The following CAPZA2 variants were observed in gnomAD, a reference collection of about 807,000 sequenced individuals.
CAPZA2 encodes the protein F-actin-capping protein subunit alpha-2.
CAPZA2 carries 13 observed loss-of-function variants against 44.0 expected under a neutral mutation model. That is an observed-to-expected ratio of 0.30 (90% CI 0.19 to 0.47). The LOEUF is 0.47. Ranked by LOEUF, CAPZA2 falls within the 20% of genes least tolerant of loss-of-function variation. The pLI is 1.00. For missense variants in CAPZA2, 244 were observed against 338.6 expected (o/e 0.72, Z 2.19); for synonymous variants, 94 against 108.2 (o/e 0.87, Z 0.81).
rs1310570568 is a variant in CAPZA2, at chr7:116,918,439, C to T, written c.*572C>T. On this transcript the variant is annotated 3_prime_UTR_variant, in exon 10 of 10. Coordinates refer to ENST00000361183, the MANE Select transcript of CAPZA2 (RefSeq NM_006136.3). ...GTTATTTAGCTAGCTTAGTGTTGAACTAAATTTTTTTTAAACAAGGCAAGG... is the reference window on the plus strand; with the variant it reads ...GTTATTTAGCTAGCTTAGTGTTGAATTAAATTTTTTTTAAACAAGGCAAGG... 6.6e-6 allele frequency: 1 copy of T among 152,618 alleles called. No homozygotes were observed. Among genetic ancestry groups the T allele is most frequent in the Non-Finnish European group, 1.5e-5 (1 of 68,048 alleles). The allele number at this position is 152,618 out of a possible 1,614,324, so 9.5% of individuals were successfully genotyped here.
At chr7:116,877,650 G>A (rs539072751) in intron 1 of CAPZA2, among the ~76,000 whole-genome samples, 1 of 152,324 alleles carries the variant, frequency 6.6e-6, no homozygotes, top group South Asian at 2.1e-4. Context: ...AGGTCATGCA[G>A]GTAGTAAGCA....
chr7:116,884,073 G>A (rs969258262), intron 1 of CAPZA2, among the ~76,000 whole-genome samples: 9 of 152,094 alleles, frequency 5.9e-5, no homozygotes, highest in African/African-American at 2.2e-4. Flanking sequence ...AAGGGGATAA[G>A]GAAATGAAGA....
At position 116,917,906 on chromosome 7, in the gene CAPZA2, C is replaced by T. The variant is rs750066287; in HGVS notation, c.*39C>T. 94 of 1,571,578 alleles carry T rather than the reference C, an allele frequency of 6.0e-5. No individual in the cohort carries two copies. Among genetic ancestry groups the T allele is most frequent in the Non-Finnish European group, 7.8e-5 (89 of 1,142,976 alleles). ...TGACCGGATCATTTTAGTGTCTTTG[C>T]GTTAAAAAATCATTGCAAAAGTATT... On this transcript the variant is annotated 3_prime_UTR_variant, in exon 10 of 10. Transcript: ENST00000361183.
At position 116,917,708 on chromosome 7, in the gene CAPZA2, T is replaced by C. The variant is rs750133733; in HGVS notation, c.721-19T>C. 3.2e-6 allele frequency: 5 copies of C among 1,568,750 alleles called. No homozygotes were observed. The highest frequency in any genetic ancestry group is 3.3e-4 in the Middle Eastern group (2 of 5,986). Reference sequence around the variant, plus strand: ...TGTTCTTTGCTTTACTTTAAACTTCTAACTATTGTTTTTCATAGACTGCCA... The same window carrying C: ...TGTTCTTTGCTTTACTTTAAACTTCCAACTATTGTTTTTCATAGACTGCCA... On this transcript the variant is annotated intron_variant, in intron 9 of 9. Transcript: ENST00000361183.
At chr7:116,909,409 A>G (rs1194357186) in intron 6 of CAPZA2, among the ~76,000 whole-genome samples, 1 of 152,162 alleles carries the variant, frequency 6.6e-6, no homozygotes, top group Non-Finnish European at 1.5e-5. Flanking sequence ...GAATTTTGTC[A>G]AAAAAGAAAA....
intron 4 of CAPZA2, among the ~76,000 whole-genome samples, chr7:116,899,302 T>A (rs1419755596): frequency 6.6e-6 from 1 of 152,138 alleles, no homozygotes; most frequent in South Asian, 2.1e-4. Flanking sequence ...ATTTTTTTTT[T>A]ATTTAGAGTT....
At chr7:116,898,891 G>A in intron 4 of CAPZA2, 56 bp downstream of exon 4, 1 of 1,058,420 alleles carries the variant, frequency 9.4e-7, no homozygotes. Flanking sequence ...AAGGTATCCT[G>A]CAAGAGCTGT....
intron 4 of CAPZA2, among the ~76,000 whole-genome samples, chr7:116,901,652 A>C (rs990746834): frequency 6.6e-6 from 1 of 152,172 alleles, no homozygotes; most frequent in African/African-American, 2.4e-5. Flanking sequence ...TGTACCCCTG[A>C]ACTGTTAAGA....
At position 116,918,921 on chromosome 7, in the gene CAPZA2, C is replaced by T. The variant is rs1174050070; in HGVS notation, c.*1054C>T. Reference sequence around the variant, plus strand: ...TGTAATATTTTCAAAAATAGTTCTACTGATGCTACAGGAATTTCAAGCCTG... The same window carrying T: ...TGTAATATTTTCAAAAATAGTTCTATTGATGCTACAGGAATTTCAAGCCTG... On this transcript the variant is annotated 3_prime_UTR_variant, in exon 10 of 10. Transcript: ENST00000361183. 1.3e-5 allele frequency: 2 copies of T among 152,074 alleles called. No individual in the cohort carries two copies. The highest frequency in any genetic ancestry group is 4.8e-5 in the African/African-American group (2 of 41,402). 9.4% of individuals were successfully genotyped at this position (152,074 alleles called of 1,614,324 possible).
chr7:116,883,172 G>T (rs532709772), intron 1 of CAPZA2, among the ~76,000 whole-genome samples: 1 of 152,254 alleles, frequency 6.6e-6, no homozygotes, highest in East Asian at 1.9e-4. Context: ...ACGGTAAATA[G>T]AATGTATTCA....
chr7:116,882,521 C>T (rs185411965), intron 1 of CAPZA2, among the ~76,000 whole-genome samples: 187 of 151,860 alleles, frequency 1.2e-3, no homozygotes, highest in Non-Finnish European at 1.9e-3. Flanking sequence ...AAACAAGATA[C>T]GAAAAAATAT....
intron 1 of CAPZA2, among the ~76,000 whole-genome samples, chr7:116,871,857 A>C (rs1031475334): frequency 4.6e-5 from 7 of 152,198 alleles, no homozygotes; most frequent in Admixed American, 4.6e-4. Context: ...ATTCCAGTAG[A>C]GCGCCTAGCC....
chr7:116,909,461 C>T (rs1246811473), intron 6 of CAPZA2, among the ~76,000 whole-genome samples: 1 of 151,800 alleles, frequency 6.6e-6, no homozygotes, highest in African/African-American at 2.4e-5. Context: ...AGTAACATAC[C>T]AGTTTGTAAT....
intron 1 of CAPZA2, among the ~76,000 whole-genome samples, chr7:116,867,842 C>G (rs1381721293): frequency 1.3e-5 from 2 of 152,158 alleles, no homozygotes; most frequent in African/African-American, 2.4e-5. Flanking sequence ...CTTTGGCCTC[C>G]TAAAGTGCTG....
intron 3 of CAPZA2, 39 bp from the exon 4 acceptor site, chr7:116,898,733 A>G (rs766009210): frequency 7.4e-7 from 1 of 1,353,754 alleles, no homozygotes; most frequent in Non-Finnish European, 1.0e-6. Flanking sequence ...AAAACATTAA[A>G]TATATAATTT....
chr7:116,903,927 AT>A (rs1427702280), intron 4 of CAPZA2, among the ~76,000 whole-genome samples: 2 of 152,034 alleles, frequency 1.3e-5, no homozygotes, highest in East Asian at 1.9e-4. Flanking sequence ...TAGAGGTTGC[AT>A]TTTTTTTCAC....
At chr7:116,904,811 G>C (rs995459215) in intron 5 of CAPZA2, 2 of 155,880 alleles carry the variant, frequency 1.3e-5, no homozygotes, top group African/African-American at 4.8e-5. Context: ...TGGTTCTTTC[G>C]TAGGTTCAAC....
intron 1 of CAPZA2, among the ~76,000 whole-genome samples, chr7:116,884,300 G>T (rs1021857868): frequency 1.3e-5 from 2 of 152,054 alleles, no homozygotes; most frequent in Admixed American, 6.5e-5. Flanking sequence ...TTTAGCACAT[G>T]TATAGATCAA....
At position 116,891,537 on chromosome 7, in the gene CAPZA2, A is replaced by G. The variant is rs185094904; in HGVS notation, c.104-1457A>G. Among the ~76,000 whole-genome samples, 23 of 152,330 alleles carry G rather than the reference A, an allele frequency of 1.5e-4. No homozygotes were observed. The East Asian group carries it at 4.4e-3, about 29-fold the overall frequency. On this transcript the variant is annotated intron_variant, in intron 2 of 9. Coordinates refer to ENST00000361183, the MANE Select transcript of CAPZA2 (RefSeq NM_006136.3). ...TGTTTGTTTGTTTGTTTTGAGATGG[A>G]GTCTCGCTCTGTTGCCCAGGATGGA... is the stretch of plus-strand genomic sequence containing the variant.
Sources: allele counts gnomAD v4.1 joint callset (sites outside exome capture counted in the v4.1 genomes callset), GRCh38; gene constraint gnomAD v4.1.1; transcripts MANE v1.5; gene names NCBI Gene and HGNC (gene_info 2026-07-23, HGNC 2026-07-21).